The following KDM5C variants were observed in gnomAD, a reference collection of about 807,000 sequenced individuals.
KDM5C encodes the protein lysine-specific demethylase 5C.
In KDM5C, 16 loss-of-function variants were observed where a neutral mutation model predicts 110.6. The observed-to-expected ratio is 0.14, with a 90% CI of 0.10 to 0.22. KDM5C has a LOEUF of 0.22. KDM5C is among the 10% of genes least tolerant of loss of function. KDM5C has a pLI of 1.00. For missense variants in KDM5C, 681 were observed against 1,300.9 expected, an observed-to-expected ratio of 0.52 and a Z score of 7.33; for synonymous variants, 511 against 520.4, an observed-to-expected ratio of 0.98 and a Z score of 0.24.
chrX:53,180,790 G>C (rs1474400570), intron 25 of KDM5C, among the ~76,000 whole-genome samples: 3 of 89,961 alleles, frequency 3.3e-5, no homozygotes, highest in Admixed American at 1.4e-4. Context: ...GCAGTGGCGC[G>C]ATCTCGGCTC....
rs112436173 is a variant in KDM5C at position 53,216,271 on chromosome X, C to T, written c.658-74G>A. The stretch of plus-strand genomic sequence containing the variant: ...GTCCCATCCTAAAAGAACAGTAACT[C>T]GGACTACATATCACCTGATCTCATG... On this transcript the variant is annotated intron_variant, in intron 5 of 25. Coordinates refer to ENST00000375401, the MANE Select transcript of KDM5C (RefSeq NM_004187.5). 4.9e-3 allele frequency: 5,626 copies of T among 1,156,063 alleles called. 94 individuals carry two copies. The African/African-American group carries it at 0.063, about 13-fold the overall frequency.
At position 53,193,463 on chromosome X, in the gene KDM5C, G is replaced by C. The variant is rs782730227; in HGVS notation, c.4291C>G (p.Leu1431Val). Residue 1431 changes from leucine (L) to valine (V), a missense_variant, in exon 25 of 26, where the codon CTG (leucine) becomes GTG (valine). Leu to Val is a conservative substitution (Grantham distance 32, BLOSUM62 1). Around this residue, in one of 14 missense-constraint regions of KDM5C, gnomAD observed 115 missense variants for 120.9 expected, o/e 0.95. Coordinates refer to ENST00000375401, the MANE Select transcript of KDM5C (RefSeq NM_004187.5). ...QLLQAGQPPD[L>V]ERIRTLLELE... Reference sequence around the variant, plus strand: ...TCCAGAAGTGTGCGGATCCTCTCCAGGTCTGGGGGCTGTCCAGCCTGCAGC... The same window carrying C: ...TCCAGAAGTGTGCGGATCCTCTCCACGTCTGGGGGCTGTCCAGCCTGCAGC... The C allele has an allele frequency of 4.1e-6, 5 of 1,211,802 alleles. No homozygotes were observed. The highest frequency in any genetic ancestry group is 5.6e-6 in the Non-Finnish European group (5 of 895,523).
rs1332824533 is a variant in KDM5C, at chrX:53,201,935, G to A, written c.1785C>T (p.Ile595=). ...RTNQCAGEFV[I]TFPRAYHSGF... ...CGCTGTGGTAAGCACGGGGGAAGGT[G>A]ATGACAAACTCTCCTGCACACTGGT... The change falls in exon 13 of 26, where the codon ATC becomes ATT. Residue 595 remains isoleucine (I), a synonymous_variant. Transcript: ENST00000375401. The A allele has an allele frequency of 3.3e-6, 4 of 1,210,443 alleles. No individual in the cohort carries two copies. In the Admixed American group the frequency reaches 8.7e-5, roughly 26 times the overall value.
intron 23 of KDM5C, 97 bp from the exon 24 acceptor site, chrX:53,193,948 T>A: frequency 1.0e-6 from 1 of 963,110 alleles, no homozygotes; most frequent in Non-Finnish European, 1.5e-6. Context: ...CTCCGCCTTC[T>A]GGAGGAGGAG....
rs1192579698 is a variant in KDM5C, at chrX:53,224,032, C to G, written c.150+708G>C. 3.6e-5 allele frequency among the ~76,000 whole-genome samples: 4 copies of G among 112,281 alleles called. No homozygotes were observed. In the Admixed American group the frequency reaches 3.8e-4, roughly 11 times the overall value. ...CTGTGAGACTGATTTCCTGACTGGT[C>G]CAGCAGGCCAGGATATTATCATAGA... On this transcript the variant is annotated intron_variant, in intron 1 of 25. Transcript: ENST00000375401.
At chrX:53,189,132 T>C (rs782173081), downstream of KDM5C, among the ~76,000 whole-genome samples, 5 of 112,555 alleles carry the variant, frequency 4.4e-5, no homozygotes, top group African/African-American at 1.6e-4. Context: ...ATATAACCAA[T>C]AGAGATAGGC....
chrX:53,192,837 G>T lies in KDM5C; in HGVS notation c.*130C>A, dbSNP rs782201442. ...GAATACAAAAGTCAAGGGACTCAGG[G>T]GTGGGCGGGTAGCAGGGATGGCCAC... is the stretch of plus-strand genomic sequence containing the variant. On this transcript the variant is annotated 3_prime_UTR_variant, in exon 26 of 26. Coordinates refer to ENST00000375401, the MANE Select transcript of KDM5C (RefSeq NM_004187.5). The T allele has an allele frequency of 8.1e-5, 88 of 1,088,077 alleles. No homozygotes were observed. The South Asian group carries it at 1.6e-3, about 20-fold the overall frequency. The allele number at this position is 1,088,077 out of a possible 1,213,427, so 89.7% of individuals were successfully genotyped here.
At chrX:53,188,600 C>A (rs1214066799), downstream of KDM5C, among the ~76,000 whole-genome samples, 1 of 110,821 alleles carries the variant, frequency 9.0e-6, no homozygotes, top group African/African-American at 3.3e-5. Context: ...GTCTCGAACT[C>A]CTGACCTCAG....
intron 19 of KDM5C, 21 bp downstream of exon 19, chrX:53,196,665 G>A: frequency 8.5e-7 from 1 of 1,172,421 alleles, no homozygotes; most frequent in South Asian, 1.8e-5. Flanking sequence ...GGCAGGGAAG[G>A]GAAGCAGCAG....
intron 2 of KDM5C, 37 bp downstream of exon 2, chrX:53,220,802 T>C: frequency 8.9e-7 from 1 of 1,119,836 alleles, no homozygotes; most frequent in Admixed American, 2.2e-5. Context: ...CAGGTATACA[T>C]TCTCCCAACC....
rs2146946808 is a variant in KDM5C, at chrX:53,217,220, T to C, written c.580A>G (p.Ser194Gly). 2 of 1,211,075 alleles carry C rather than the reference T, an allele frequency of 1.7e-6. No individual in the cohort carries two copies. Among genetic ancestry groups the C allele is most frequent in the Non-Finnish European group, 2.2e-6 (2 of 895,076 alleles). The change falls in exon 5 of 26, where the codon AGC (serine) becomes GGC (glycine). Residue 194 changes from serine to glycine, a missense_variant. Physicochemically the swap from Ser to Gly is moderately conservative, Grantham distance 56. Transcript: ENST00000375401. ...EEKDKEYKPH[S>G]IPLRQSVQPS... ...TGCACAGACTGTCGTAGGGGGATGC[T>C]GTGGGGTTTGTATTCCTTGTCCTTC...
chrX:53,197,708 A>G, intron 18 of KDM5C, 63 bp downstream of exon 18: 1 of 925,995 alleles, frequency 1.1e-6, no homozygotes, highest in East Asian at 3.3e-5. Context: ...GGAGCCAAGC[A>G]TGGCCTGCTG....
intron 7 of KDM5C, chrX:53,215,177 C>T (rs782154465): frequency 7.5e-6 from 3 of 399,534 alleles, no homozygotes; most frequent in Non-Finnish European, 1.4e-5. Flanking sequence ...TTGCCAATAG[C>T]GGTCCATAAA....
chrX:53,223,921 G>A (rs1291145533), intron 1 of KDM5C, among the ~76,000 whole-genome samples: 1 of 112,193 alleles, frequency 8.9e-6, no homozygotes, highest in Non-Finnish European at 1.9e-5. Context: ...GCGGGATGAT[G>A]TGCAGAAAAG....
rs1185154794 is a variant in KDM5C, at chrX:53,192,626, C to A, written c.*341G>T. 4 of 770,861 alleles carry A rather than the reference C, an allele frequency of 5.2e-6. No homozygotes were observed. The African/African-American group carries it at 6.4e-5, about 12-fold the overall frequency. 63.5% of individuals were successfully genotyped at this position (770,861 alleles called of 1,213,427 possible). A position where few individuals can be genotyped will look rare whatever the true frequency, so the allele number is the denominator to read the frequency against. On this transcript the variant is annotated 3_prime_UTR_variant, in exon 26 of 26. Coordinates refer to ENST00000375401, the MANE Select transcript of KDM5C (RefSeq NM_004187.5). The stretch of plus-strand genomic sequence containing the variant: ...GGGGAGAGAAGGGAGGAGAGTCCCC[C>A]AGTTTGCATATACACTGGCCTTGTC...
chrX:53,215,315 CA>C (rs1437883553), intron 7 of KDM5C: 2 of 313,359 alleles, frequency 6.4e-6, no homozygotes, highest in African/African-American at 5.4e-5. Flanking sequence ...CAAAACAAAA[CA>C]TGGCAACAGG....
Position 53,198,901 on chromosome X carries a change from G to A in KDM5C, c.2244-13C>T, listed in dbSNP as rs782494498. 1 of 1,212,096 alleles carries A rather than the reference G, an allele frequency of 8.3e-7. No homozygotes were observed. Among genetic ancestry groups the A allele is most frequent in the South Asian group, 1.8e-5 (1 of 57,025 alleles). On this transcript the variant is annotated splice_polypyrimidine_tract_variant and intron_variant, in intron 15 of 25. Coordinates refer to ENST00000375401, the MANE Select transcript of KDM5C (RefSeq NM_004187.5). ...GGTATACCGATACCTGGAGGAAGAGGGCAGGCAAGAGCATGTCTGGCCCAG... is the reference window on the plus strand; with the variant it reads ...GGTATACCGATACCTGGAGGAAGAGAGCAGGCAAGAGCATGTCTGGCCCAG...
chrX:53,215,825 C>G lies in KDM5C; in HGVS notation c.933G>C (p.Arg311Ser). ...SPEPCTKMTM[R>S]LRRNHSNAQF... ...GGGCATTGCTGTGGTTCCTCCGTAGCCTCATGGTCATCTTGGTGCAGGGTT... is the reference window on the plus strand; with the variant it reads ...GGGCATTGCTGTGGTTCCTCCGTAGGCTCATGGTCATCTTGGTGCAGGGTT... The change falls in exon 7 of 26, where the codon AGG becomes AGC. Residue 311 changes from arginine to serine, a missense_variant. Physicochemically the swap from Arg to Ser is moderately radical, Grantham distance 110. Around this residue, in one of 14 missense-constraint regions of KDM5C, gnomAD observed 71 missense variants for 115.0 expected, o/e 0.62. Transcript: ENST00000375401. The G allele has an allele frequency of 8.3e-7, 1 of 1,211,638 alleles. No homozygotes were observed. The highest frequency in any genetic ancestry group is 1.1e-6 in the Non-Finnish European group (1 of 895,452).
intron 25 of KDM5C, among the ~76,000 whole-genome samples, chrX:53,184,145 T>C (rs1307107109): frequency 8.9e-6 from 1 of 112,703 alleles, no homozygotes; most frequent in Non-Finnish European, 1.9e-5. Flanking sequence ...CTTAACTTCA[T>C]TTTGGATTGC....
Sources: gnomAD v4.1 joint callset for allele counts (sites outside exome capture counted in the v4.1 genomes callset) on GRCh38, gnomAD v4.1.1 for gene constraint, gnomAD v4.1.1 regional missense constraint, MANE v1.5 for transcripts, NCBI Gene and HGNC (gene_info 2026-07-23, HGNC 2026-07-21) for gene names.